Variants in SV2B observed in about 807,000 individuals in gnomAD.
SV2B encodes solute carrier family 22 member B2.
SV2B carries 41 observed loss-of-function variants against 73.9 expected under a neutral mutation model. The ratio of observed to expected loss-of-function variants is 0.56; its 90% confidence interval spans 0.43 to 0.72. The LOEUF is 0.72. Ranked by LOEUF, SV2B falls within the 30% of genes least tolerant of loss-of-function variation. The pLI, the probability that SV2B is intolerant of heterozygous loss-of-function variation, is 0.00. For synonymous variants in SV2B, 314 were observed against 314.2 expected, an observed-to-expected ratio of 1.00 and a Z score of 0.01; for missense variants, 764 against 857.8, an observed-to-expected ratio of 0.89 and a Z score of 1.37.
chr15:91,211,823 T>C (rs1161081053), intron 1 of SV2B, among the ~76,000 whole-genome samples: 1 of 147,776 alleles, frequency 6.8e-6, no homozygotes, highest in Non-Finnish European at 1.5e-5. Flanking sequence ...TTTTTTTTTT[T>C]GAGTTGGAGG....
At position 91,258,331 on chromosome 15, in the gene SV2B, T is replaced by C; in HGVS notation, c.785-90T>C. On this transcript the variant is annotated intron_variant, in intron 4 of 12. Coordinates refer to ENST00000394232, the MANE Select transcript of SV2B (RefSeq NM_001323032.3). This position sits in a 1 kb window ranked among gnomAD's most constrained non-coding sequence, Gnocchi z 4.7. ...CTCCCCGGGTGACTCTCTTGTGCCC[T>C]GAAGTTTGTGAGCCAGGGCTTCAGA... 6.4e-7 allele frequency: 1 copy of C among 1,554,494 alleles called. No individual in the cohort carries two copies.
chr15:91,105,492 G>A lies in SV2B; in HGVS notation c.-392+5129G>A, dbSNP rs550327961. On this transcript the variant is annotated intron_variant, in intron 1 of 12. Coordinates refer to ENST00000394232, the MANE Select transcript of SV2B (RefSeq NM_001323032.3). The surrounding 1 kb of genome is among the most constrained non-coding windows in gnomAD (Gnocchi z 5.5). ...AGGAACTGAACGAGACAGGGTGAGC[G>A]TGGGAGAAGAGATCAGAGAAGTAGC... 3.3e-5 allele frequency among the ~76,000 whole-genome samples: 5 copies of A among 152,336 alleles called. No individual in the cohort carries two copies. The highest frequency in any genetic ancestry group is 2.1e-4 in the South Asian group (1 of 4,824).
At chr15:91,108,826 G>T (rs2041959738) in intron 1 of SV2B, among the ~76,000 whole-genome samples, 1 of 152,180 alleles carries the variant, frequency 6.6e-6, no homozygotes, top group Non-Finnish European at 1.5e-5. Flanking sequence ...TAACGCAACA[G>T]TGTCTCCTGA....
chr15:91,260,432 A>G (rs762187970), intron 6 of SV2B, 23 bp downstream of exon 6: 16 of 1,571,192 alleles, frequency 1.0e-5, no homozygotes, highest in Admixed American at 1.9e-5. Context: ...TTGCCTGCCA[A>G]TAAGAAGGGG....
chr15:91,128,183 C>T lies in SV2B; in HGVS notation c.-392+27820C>T, dbSNP rs186239746. On this transcript the variant is annotated intron_variant, in intron 1 of 12. Transcript: ENST00000394232. The surrounding 1 kb of genome is among the most constrained non-coding windows in gnomAD (Gnocchi z 4.2). Reference sequence around the variant, plus strand: ...ATCACCAACTCAGCTCTTTGTGTAGCGGAGATTTTCAGTCCCTCCTGGGAG... The same window carrying T: ...ATCACCAACTCAGCTCTTTGTGTAGTGGAGATTTTCAGTCCCTCCTGGGAG... Among the ~76,000 whole-genome samples the T allele has an allele frequency of 2.2e-4, 33 of 152,276 alleles. No individual in the cohort carries two copies. Among genetic ancestry groups the T allele is most frequent in the African/African-American group, 6.7e-4 (28 of 41,548 alleles).
At chr15:91,147,674 T>C (rs1328642764) in intron 1 of SV2B, among the ~76,000 whole-genome samples, 1 of 152,194 alleles carries the variant, frequency 6.6e-6, no homozygotes, top group Non-Finnish European at 1.5e-5. Context: ...TATTTTCTGC[T>C]CTGCCTAAAC....
intron 1 of SV2B, among the ~76,000 whole-genome samples, chr15:91,166,830 T>C (rs1234470354): frequency 6.6e-6 from 1 of 151,456 alleles, no homozygotes; most frequent in Non-Finnish European, 1.5e-5. Flanking sequence ...TTTTTTTTTT[T>C]TGAGATGGAG....
chr15:91,246,149 A>T (rs1257922341), intron 2 of SV2B, among the ~76,000 whole-genome samples: 1 of 152,014 alleles, frequency 6.6e-6, no homozygotes, highest in African/African-American at 2.4e-5. Context: ...TTTTTATTGG[A>T]AGCTGGCTTC....
intron 1 of SV2B, among the ~76,000 whole-genome samples, chr15:91,103,509 A>G (rs1311591730): frequency 6.6e-6 from 1 of 152,246 alleles, no homozygotes; most frequent in Non-Finnish European, 1.5e-5. Flanking sequence ...ATGCATTTAC[A>G]TAATATCATA....
At chr15:91,161,441 T>C (rs1378303849) in intron 1 of SV2B, among the ~76,000 whole-genome samples, 1 of 152,174 alleles carries the variant, frequency 6.6e-6, no homozygotes, top group Non-Finnish European at 1.5e-5. Flanking sequence ...TTTGACAACA[T>C]AAGAATTTTA....
chr15:91,127,739 C>G (rs1405101415), intron 1 of SV2B, among the ~76,000 whole-genome samples: 2 of 151,870 alleles, frequency 1.3e-5, no homozygotes, highest in Admixed American at 1.3e-4. Flanking sequence ...GACATGTGGT[C>G]TCAGTGTTCT....
At chr15:91,246,560 C>G (rs2047233936) in intron 2 of SV2B, among the ~76,000 whole-genome samples, 1 of 152,138 alleles carries the variant, frequency 6.6e-6, no homozygotes. Context: ...AGGACCATGG[C>G]CCAGATGTCT....
intron 1 of SV2B, among the ~76,000 whole-genome samples, chr15:91,202,368 A>G (rs1389325238): frequency 6.6e-6 from 1 of 152,218 alleles, no homozygotes; most frequent in Non-Finnish European, 1.5e-5. Flanking sequence ...TGAAGAATCA[A>G]TGAAAACCAT....
At position 91,220,582 on chromosome 15, in the gene SV2B, G is replaced by A. The variant is rs116227875; in HGVS notation, c.-391-5291G>A. Reference sequence around the variant, plus strand: ...GATATTTAGTAATAAGCAAGAGTTTGCTGCACAATGATTTTGAGTCATATA... The same window carrying A: ...GATATTTAGTAATAAGCAAGAGTTTACTGCACAATGATTTTGAGTCATATA... On this transcript the variant is annotated intron_variant, in intron 1 of 12. Coordinates refer to ENST00000394232, the MANE Select transcript of SV2B (RefSeq NM_001323032.3). The surrounding 1 kb of genome is among the most constrained non-coding windows in gnomAD (Gnocchi z 4.1). Among the ~76,000 whole-genome samples, 702 of 152,350 alleles carry A rather than the reference G, an allele frequency of 4.6e-3. 10 individuals carry two copies. Among genetic ancestry groups the A allele is most frequent in the African/African-American group, 0.016 (676 of 41,580 alleles).
chr15:91,186,167 G>A (rs200478779), intron 1 of SV2B, among the ~76,000 whole-genome samples: 9 of 152,184 alleles, frequency 5.9e-5, no homozygotes, highest in East Asian at 5.8e-4. Context: ...GATATTTATC[G>A]GTGAGATACA....
intron 1 of SV2B, among the ~76,000 whole-genome samples, chr15:91,113,391 G>C (rs537390274): frequency 7.6e-4 from 115 of 152,304 alleles, no homozygotes; most frequent in Middle Eastern, 3.4e-3. Context: ...ACATCTTAGA[G>C]TTTGTTTGTT....
At chr15:91,263,421 C>T (rs2047991245) in intron 6 of SV2B, among the ~76,000 whole-genome samples, 1 of 151,416 alleles carries the variant, frequency 6.6e-6, no homozygotes, top group African/African-American at 2.4e-5. Context: ...AACACAGAAA[C>T]ACACAGACAC....
chr15:91,158,371 G>C (rs1232690789), intron 1 of SV2B, among the ~76,000 whole-genome samples: 1 of 152,070 alleles, frequency 6.6e-6, no homozygotes, highest in Non-Finnish European at 1.5e-5. Context: ...CAAGGTGATG[G>C]GGGACCCTTG....
intron 9 of SV2B, among the ~76,000 whole-genome samples, chr15:91,273,624 G>A (rs954349857): frequency 5.3e-5 from 8 of 152,160 alleles, no homozygotes; most frequent in Non-Finnish European, 1.2e-4. Context: ...TCATCTGCAA[G>A]TAACTAGTTC....
Sources: gnomAD v4.1 joint callset for allele counts (sites outside exome capture counted in the v4.1 genomes callset) on GRCh38, gnomAD v4.1.1 for gene constraint, Gnocchi (gnomAD v3.1) non-coding constraint, MANE v1.5 for transcripts, NCBI Gene and HGNC (gene_info 2026-07-23, HGNC 2026-07-21) for gene names.